PALLD: variants seen among roughly 807,000 people sequenced by gnomAD.
PALLD encodes palladin.
PALLD carries 61 observed loss-of-function variants against 123.5 expected under a neutral mutation model. The ratio of observed to expected loss-of-function variants is 0.49; its 90% CI spans 0.40 to 0.61. The LOEUF (loss-of-function observed/expected upper bound fraction) is 0.61. Among genes scored for constraint, PALLD ranks in the 20% least tolerant of loss-of-function variants. The pLI, the probability that PALLD is intolerant of heterozygous loss-of-function variation, is 0.00. For synonymous variants in PALLD, 465 were observed against 496.4 expected (o/e 0.94, Z 0.84); for missense variants, 1,273 against 1,377.0 (o/e 0.92, Z 1.20).
At chr4:168,679,264 G>GGT (rs1417697672) in intron 3 of PALLD, among the ~76,000 whole-genome samples, 1 of 108,116 alleles carries the variant, frequency 9.2e-6, no homozygotes, top group Non-Finnish European at 1.9e-5. Context: ...TGTGTGGTGG[G>GGT]GTGTGTGTGG....
At chr4:168,733,427 C>A (rs1787373650) in intron 10 of PALLD, among the ~76,000 whole-genome samples, 1 of 152,096 alleles carries the variant, frequency 6.6e-6, no homozygotes, top group South Asian at 2.1e-4. Flanking sequence ...CTTTCATTAG[C>A]CATTTGACTA....
At chr4:168,657,318 C>T (rs983486806) in intron 2 of PALLD, among the ~76,000 whole-genome samples, 1 of 152,182 alleles carries the variant, frequency 6.6e-6, no homozygotes, top group African/African-American at 2.4e-5. Context: ...ACCTATTTGG[C>T]CACAGAAACC....
chr4:168,723,272 C>A (rs1004597781), intron 10 of PALLD, among the ~76,000 whole-genome samples: 4 of 152,164 alleles, frequency 2.6e-5, no homozygotes, highest in Non-Finnish European at 5.9e-5. Context: ...GACAGAATGA[C>A]TGTAGGTGGA....
chr4:168,500,169 C>G (rs1270936920), intron 1 of PALLD, among the ~76,000 whole-genome samples: 1 of 152,198 alleles, frequency 6.6e-6, no homozygotes, highest in Non-Finnish European at 1.5e-5. Flanking sequence ...CTTTTGAAAG[C>G]AGGTAACTTC....
intron 2 of PALLD, among the ~76,000 whole-genome samples, chr4:168,641,517 C>T (rs957795467): frequency 6.6e-6 from 1 of 151,766 alleles, no homozygotes; most frequent in African/African-American, 2.4e-5. Context: ...CTGTGGTGCT[C>T]AGAGCCTGCC....
At chr4:168,751,466 G>C (rs1012733063) in intron 10 of PALLD, among the ~76,000 whole-genome samples, 2 of 152,202 alleles carry the variant, frequency 1.3e-5, no homozygotes, top group Non-Finnish European at 2.9e-5. Context: ...TGTCATAGCA[G>C]CTTTGCAATC....
At chr4:168,721,303 G>T (rs1479943362) in intron 10 of PALLD, among the ~76,000 whole-genome samples, 2 of 152,084 alleles carry the variant, frequency 1.3e-5, no homozygotes, top group South Asian at 4.2e-4. Context: ...ATTTTAAAAG[G>T]GGGAGTGGCT....
At chr4:168,714,197 G>A (rs2150225608) in intron 10 of PALLD, among the ~76,000 whole-genome samples, 1 of 152,156 alleles carries the variant, frequency 6.6e-6, no homozygotes, top group South Asian at 2.1e-4. Context: ...GGCTATTAAA[G>A]TTTATACTCT....
chr4:168,607,197 A>G (rs933643342), intron 2 of PALLD, among the ~76,000 whole-genome samples: 3 of 152,174 alleles, frequency 2.0e-5, no homozygotes, highest in African/African-American at 7.2e-5. Flanking sequence ...GAGACAGTGC[A>G]GATGATAAGT....
At position 168,867,200 on chromosome 4, in the gene PALLD, G is replaced by A. The variant is rs552764515; in HGVS notation, c.1965-23722G>A. ...TCGGGTTTTTGTAAAAATTAAATGA[G>A]TTTAGAGGGAAAAGTGCTTAAAATG... is the stretch of plus-strand genomic sequence containing the variant. On this transcript the variant is annotated intron_variant, in intron 10 of 21. Coordinates refer to ENST00000505667, the MANE Select transcript of PALLD (RefSeq NM_001166108.2). 3.2e-4 allele frequency among the ~76,000 whole-genome samples: 49 copies of A among 152,318 alleles called. No homozygotes were observed. In the South Asian group the frequency reaches 9.7e-3, roughly 30 times the overall value.
intron 15 of PALLD, among the ~76,000 whole-genome samples, chr4:168,905,693 C>G (rs192794897): frequency 1.6e-3 from 240 of 151,822 alleles, no homozygotes; most frequent in Non-Finnish European, 2.1e-3. Flanking sequence ...GACCATCACC[C>G]TGAAAAAGTC....
At chr4:168,507,689 T>C (rs535157342) in intron 1 of PALLD, 2 of 188,784 alleles carry the variant, frequency 1.1e-5, no homozygotes, top group East Asian at 8.3e-5. Flanking sequence ...ATCAGTTATC[T>C]CTCAAAAATG....
chr4:168,653,024 G>A (rs527741087), intron 2 of PALLD, among the ~76,000 whole-genome samples: 3 of 152,296 alleles, frequency 2.0e-5, no homozygotes, highest in South Asian at 2.1e-4. Context: ...ACCAGTCATC[G>A]TAGTCCCTCA....
intron 10 of PALLD, among the ~76,000 whole-genome samples, chr4:168,883,072 G>C (rs1260246494): frequency 1.1e-5 from 1 of 89,314 alleles, no homozygotes; most frequent in African/African-American, 2.9e-5. Flanking sequence ...CCTGGTGACA[G>C]AGCAAAACTC....
chr4:168,696,880 C>A (rs561981900), intron 8 of PALLD, among the ~76,000 whole-genome samples: 1 of 152,054 alleles, frequency 6.6e-6, no homozygotes, highest in African/African-American at 2.4e-5. Context: ...AAGAAAGAAG[C>A]GGCGAGAGAC....
chr4:168,763,060 A>G lies in PALLD; in HGVS notation c.1964+51137A>G, dbSNP rs1581348233. Reference sequence around the variant, plus strand: ...CAAAGGGAGGGAAGCATTAGGAGAAATACCTAATGTAGATAACAGGTTGAT... The same window carrying G: ...CAAAGGGAGGGAAGCATTAGGAGAAGTACCTAATGTAGATAACAGGTTGAT... On this transcript the variant is annotated intron_variant, in intron 10 of 21. Transcript: ENST00000505667. Among the ~76,000 whole-genome samples the G allele has an allele frequency of 3.3e-5, 5 of 152,312 alleles. No homozygotes were observed. In the East Asian group the frequency reaches 9.6e-4, roughly 29 times the overall value.
Position 168,511,929 on chromosome 4 carries a change from A to C in PALLD, c.425A>C (p.Lys142Thr). ...SYIRSLRKAE[K>T]RGAKTPSTNV... ...ATCCGGAGCCTCCGAAAGGCTGAAAAGCGTGGTGCAAAAACTCCCAGCACA... is the reference window on the plus strand; with the variant it reads ...ATCCGGAGCCTCCGAAAGGCTGAAACGCGTGGTGCAAAAACTCCCAGCACA... Residue 142 changes from lysine (K) to threonine (T), a missense_variant, in exon 2 of 22, where the codon AAG becomes ACG. Lys to Thr is a moderately conservative substitution (Grantham distance 78). Transcript: ENST00000505667. The C allele has an allele frequency of 6.2e-7, 1 of 1,614,218 alleles. No homozygotes were observed. The highest frequency in any genetic ancestry group is 8.5e-7 in the Non-Finnish European group (1 of 1,180,034).
intron 2 of PALLD, among the ~76,000 whole-genome samples, chr4:168,567,408 A>G (rs970847301): frequency 1.3e-5 from 2 of 151,804 alleles, no homozygotes; most frequent in African/African-American, 4.8e-5. Context: ...GCCAAAAAAC[A>G]TATGAAAAAA....
At chr4:168,842,283 G>A (rs56910888) in intron 10 of PALLD, among the ~76,000 whole-genome samples, 4,481 of 152,274 alleles carry the variant, frequency 0.029, 217 homozygotes, top group African/African-American at 0.1. Context: ...TACAAATCGG[G>A]AAAACATGAC....
Sources: gnomAD v4.1 joint callset for allele counts (sites outside exome capture counted in the v4.1 genomes callset) on GRCh38, gnomAD v4.1.1 for gene constraint, MANE v1.5 for transcripts, NCBI Gene and HGNC (gene_info 2026-07-23, HGNC 2026-07-21) for gene names.